Variants in SRBD1 observed in about 807,000 individuals in gnomAD.
SRBD1 encodes the protein S1 RNA binding domain 1, also known as S1 RNA-binding domain-containing protein 1.
SRBD1 carries 88 observed loss-of-function variants against 115.3 expected under a neutral mutation model. The observed-to-expected ratio is 0.76, with a 90% CI of 0.64 to 0.91. SRBD1 has a LOEUF of 0.91. Among genes scored for constraint, SRBD1 ranks in the 40% least tolerant of loss-of-function variants. The pLI, the probability that SRBD1 is intolerant of heterozygous loss-of-function variation, is 0.00. For missense variants in SRBD1, 1,385 were observed against 1,177.4 expected (o/e 1.18, Z -2.58); for synonymous variants, 509 against 407.7 (o/e 1.25, Z -2.99).
At position 45,389,558 on chromosome 2, in the gene SRBD1, C is replaced by T; in HGVS notation, c.2740G>A (p.Glu914Lys). ...AGAACTGTCCCAATCTGCAGATCTT[C>T]CAGGCATACTATGCTTCTCTTGAAA... is the stretch of plus-strand genomic sequence containing the variant. Reference protein sequence around the residue: ...PDFKRSIVCLEDLQIGTVLTG... With the variant: ...PDFKRSIVCLKDLQIGTVLTG... Residue 914 changes from glutamate (E) to lysine (K), a missense_variant, in exon 21 of 21, where the codon GAA (glutamate) becomes AAA (lysine). Coordinates refer to ENST00000263736, the MANE Select transcript of SRBD1 (RefSeq NM_018079.5). 1.2e-6 allele frequency: 2 copies of T among 1,613,940 alleles called. No homozygotes were observed. Among genetic ancestry groups the T allele is most frequent in the Non-Finnish European group, 1.7e-6 (2 of 1,179,930 alleles).
At position 45,394,524 on chromosome 2, in the gene SRBD1, G is replaced by C. The variant is rs577634123; in HGVS notation, c.2514-1395C>G. 7.3e-4 allele frequency among the ~76,000 whole-genome samples: 111 copies of C among 152,318 alleles called. 1 individual carries two copies. The highest frequency in any genetic ancestry group is 2.4e-3 in the African/African-American group (100 of 41,580). On this transcript the variant is annotated intron_variant, in intron 19 of 20. Coordinates refer to ENST00000263736, the MANE Select transcript of SRBD1 (RefSeq NM_018079.5). The stretch of plus-strand genomic sequence containing the variant: ...AGAAAAAGGGAATTGTTGGAGGTTT[G>C]TCTATAATCAGAATGGGGATATATC...
intron 16 of SRBD1, among the ~76,000 whole-genome samples, chr2:45,426,578 G>A (rs1668161883): frequency 6.6e-6 from 1 of 152,130 alleles, no homozygotes; most frequent in African/African-American, 2.4e-5. Flanking sequence ...AGCAGGAGTC[G>A]ATAGACATCT....
chr2:45,544,822 ATTGT>A (rs530659758), intron 14 of SRBD1, among the ~76,000 whole-genome samples: 31 of 152,294 alleles, frequency 2.0e-4, no homozygotes, highest in Admixed American at 3.9e-4. Context: ...AAAAAAACAT[ATTGT>A]TTATTAAACC....
intron 9 of SRBD1, among the ~76,000 whole-genome samples, chr2:45,565,979 A>G (rs1672815979): frequency 6.6e-6 from 1 of 152,226 alleles, no homozygotes; most frequent in Non-Finnish European, 1.5e-5. Flanking sequence ...TTCAAAAATT[A>G]TATACAAATG....
At chr2:45,479,065 G>A (rs758561360) in intron 15 of SRBD1, among the ~76,000 whole-genome samples, 1 of 152,062 alleles carries the variant, frequency 6.6e-6, no homozygotes, top group Non-Finnish European at 1.5e-5. Flanking sequence ...TATTGTAATT[G>A]CTTTAGAACA....
At chr2:45,496,109 G>C (rs901944201) in intron 14 of SRBD1, among the ~76,000 whole-genome samples, 2 of 152,168 alleles carry the variant, frequency 1.3e-5, no homozygotes, top group Non-Finnish European at 2.9e-5. Context: ...GAATTGTGAA[G>C]TTTGCTTAAC....
At chr2:45,580,704 G>A (rs1298502156) in intron 6 of SRBD1, among the ~76,000 whole-genome samples, 2 of 12,884 alleles carry the variant, frequency 1.6e-4, no homozygotes, top group Non-Finnish European at 3.1e-4. Context: ...TTTTTTTTTT[G>A]AGATGGAGTC....
chr2:45,595,021 C>A (rs879711879), intron 4 of SRBD1, among the ~76,000 whole-genome samples: 18 of 152,192 alleles, frequency 1.2e-4, no homozygotes, highest in Admixed American at 1.1e-3. Context: ...TTTCATTAGT[C>A]CTATCTATAA....
In SRBD1 at chr2:45,599,853, G is replaced by C; in HGVS notation, c.262-18C>G. ...GAGCTATTCTATCAAACCACAAAGA[G>C]AACATATGAGAATTAGAAGATAAAA... On this transcript the variant is annotated intron_variant, in intron 3 of 20. Coordinates refer to ENST00000263736, the MANE Select transcript of SRBD1 (RefSeq NM_018079.5). 1.3e-6 allele frequency: 2 copies of C among 1,581,126 alleles called. No homozygotes were observed. The highest frequency in any genetic ancestry group is 1.7e-6 in the Non-Finnish European group (2 of 1,167,136).
intron 16 of SRBD1, among the ~76,000 whole-genome samples, chr2:45,455,319 T>G (rs13423592): frequency 0.085 from 12,862 of 151,938 alleles, 745 homozygotes; most frequent in African/African-American, 0.16. Context: ...TGTGTAAGAA[T>G]GTATGCAGCA....
At chr2:45,509,742 T>G (rs1468108327) in intron 14 of SRBD1, among the ~76,000 whole-genome samples, 14 of 152,044 alleles carry the variant, frequency 9.2e-5, no homozygotes, top group Non-Finnish European at 2.9e-5. Flanking sequence ...TCTTTTTCCT[T>G]TTTCTCTTTT....
chr2:45,445,513 T>C (rs6720692), intron 16 of SRBD1, among the ~76,000 whole-genome samples: 88,238 of 138,654 alleles, frequency 0.64, 28,045 homozygotes, highest in Non-Finnish European at 0.69. Context: ...TTTCTCTCTA[T>C]AGTGTGAAAT....
intron 17 of SRBD1, 53 bp downstream of exon 17, chr2:45,419,735 G>A: frequency 1.3e-6 from 2 of 1,528,442 alleles, no homozygotes; most frequent in Admixed American, 1.7e-5. Flanking sequence ...GTTTGGACTG[G>A]ACAGCCAGTT....
chr2:45,425,323 A>G (rs1037231152), intron 16 of SRBD1, among the ~76,000 whole-genome samples: 7 of 152,220 alleles, frequency 4.6e-5, no homozygotes, highest in Non-Finnish European at 7.3e-5. Context: ...AACAATTCTA[A>G]AACATGTACA....
chr2:45,582,779 C>T (rs960434807), intron 5 of SRBD1, among the ~76,000 whole-genome samples: 1 of 152,104 alleles, frequency 6.6e-6, no homozygotes, highest in African/African-American at 2.4e-5. Flanking sequence ...TTCCCTGCCC[C>T]AGCCCTGGAA....
chr2:45,545,302 A>AAAAAAAC (rs1558468065), intron 14 of SRBD1, among the ~76,000 whole-genome samples: 1 of 149,010 alleles, frequency 6.7e-6, no homozygotes, highest in African/African-American at 2.5e-5. Context: ...AAAAAAAAAA[A>AAAAAAAC]AAAAAAAAAA....
chr2:45,512,304 A>G (rs1032316011), intron 14 of SRBD1, among the ~76,000 whole-genome samples: 2 of 152,174 alleles, frequency 1.3e-5, no homozygotes, highest in Non-Finnish European at 2.9e-5. Flanking sequence ...ATACATTTGC[A>G]TGACTTGAAT....
At chr2:45,499,146 C>G (rs1311114288) in intron 14 of SRBD1, among the ~76,000 whole-genome samples, 1 of 152,128 alleles carries the variant, frequency 6.6e-6, no homozygotes, top group Non-Finnish European at 1.5e-5. Context: ...TCTCCACATT[C>G]TCTCCAGCAT....
At position 45,546,848 on chromosome 2, in the gene SRBD1, C is replaced by T. The variant is rs765690585; in HGVS notation, c.1767-9G>A. The T allele has an allele frequency of 4.3e-6, 7 of 1,612,988 alleles. No homozygotes were observed. The highest frequency in any genetic ancestry group is 5.9e-6 in the Non-Finnish European group (7 of 1,179,194). On this transcript the variant is annotated splice_polypyrimidine_tract_variant and intron_variant, in intron 13 of 20. Transcript: ENST00000263736. Reference sequence around the variant, plus strand: ...TCACTACTGTGCTGCAGCTTCAAGGCAGAAACAGAATGACAAACTGAATTT... The same window carrying T: ...TCACTACTGTGCTGCAGCTTCAAGGTAGAAACAGAATGACAAACTGAATTT...
Sources: gnomAD v4.1 joint callset for allele counts (sites outside exome capture counted in the v4.1 genomes callset) on GRCh38, gnomAD v4.1.1 for gene constraint, MANE v1.5 for transcripts, NCBI Gene and HGNC (gene_info 2026-07-23, HGNC 2026-07-21) for gene names.